PKD1L1: variants seen among roughly 807,000 people sequenced by gnomAD.
PKD1L1 encodes polycystin-1-like protein 1.
In PKD1L1, 236 loss-of-function variants were observed where a neutral mutation model predicts 323.4. The observed-to-expected ratio is 0.73, with a 90% CI of 0.66 to 0.81. The LOEUF (loss-of-function observed/expected upper bound fraction) is 0.81. Ranked by LOEUF, PKD1L1 falls within the 40% of genes least tolerant of loss-of-function variation. The pLI is 0.00. For synonymous variants in PKD1L1, 1,344 were observed against 1,335.0 expected (o/e 1.01, Z -0.15); for missense variants, 3,320 against 3,508.0 (o/e 0.95, Z 1.35).
intron 16 of PKD1L1, among the ~76,000 whole-genome samples, chr7:47,889,199 C>T (rs1458749680): frequency 4.6e-5 from 7 of 152,268 alleles, no homozygotes; most frequent in African/African-American, 1.7e-4. Flanking sequence ...CTCCTGGGGA[C>T]ATCATCCACA....
chr7:47,815,346 C>T lies in PKD1L1; in HGVS notation c.7077G>A (p.Val2359=), dbSNP rs1354325971. ...ACGGAAAGCTCACCTGAGCCCCCGG[C>T]ACACGGGCTGACGGGGTGCCTCCCG... ...LYPGGTPSAR[V]PGAQPGALGG... is the part of the protein sequence containing the mutation. The change falls in exon 47 of 57, where the codon GTG becomes GTA. Residue 2359 remains valine, a synonymous_variant. Coordinates refer to ENST00000289672, the MANE Select transcript of PKD1L1 (RefSeq NM_138295.5). 1.2e-6 allele frequency: 2 copies of T among 1,614,050 alleles called. No homozygotes were observed. Among genetic ancestry groups the T allele is most frequent in the Admixed American group, 1.7e-5 (1 of 59,992 alleles).
rs113217890 is a variant in PKD1L1 at position 47,862,349 on chromosome 7, G to A, written c.4149+2867C>T. The stretch of plus-strand genomic sequence containing the variant: ...TGCCCTCCCACCTAGACTGGAGGTT[G>A]TTGGAGTGGAGCAGCCTGAGATGAG... On this transcript the variant is annotated intron_variant, in intron 26 of 56. Transcript: ENST00000289672. Among the ~76,000 whole-genome samples the A allele has an allele frequency of 1.4e-3, 209 of 152,268 alleles. 2 individuals carry two copies. Among genetic ancestry groups the A allele is most frequent in the African/African-American group, 4.9e-3 (204 of 41,540 alleles).
rs1584949788 is a variant in PKD1L1 at position 47,798,530 on chromosome 7, G to A, written c.8193+2119C>T. ...CCCAGCACTTTGGGAGGCTGAGGCG[G>A]GAGGATCACGAGGTCAGGAGTTCGA... On this transcript the variant is annotated intron_variant, in intron 54 of 56. Coordinates refer to ENST00000289672, the MANE Select transcript of PKD1L1 (RefSeq NM_138295.5). 2.0e-5 allele frequency among the ~76,000 whole-genome samples: 3 copies of A among 152,244 alleles called. No homozygotes were observed. The South Asian group carries it at 6.2e-4, about 32-fold the overall frequency.
At chr7:47,881,782 AGTAGAAAAG>A in intron 20 of PKD1L1, 118 bp downstream of exon 20, 1 of 920,528 alleles carries the variant, frequency 1.1e-6, no homozygotes. Flanking sequence ...AACAAGCACA[AGTAGAAAAG>A]GTACCACAAT....
chr7:47,829,323 T>G (rs1562949785), intron 44 of PKD1L1, 102 bp downstream of exon 44: 4 of 1,194,210 alleles, frequency 3.3e-6, no homozygotes, highest in Non-Finnish European at 4.6e-6. Flanking sequence ...TCTCCAAAGA[T>G]GCAACCCAAT....
chr7:47,875,249 A>G (rs80192521), intron 23 of PKD1L1, among the ~76,000 whole-genome samples: 2,763 of 152,342 alleles, frequency 0.018, 68 homozygotes, highest in African/African-American at 0.062. Context: ...AGAAGAAGGT[A>G]CAAGTGTTTC....
rs1356804112 is a variant in PKD1L1 at position 47,813,404 on chromosome 7, T to C, written c.7174-111A>G. On this transcript the variant is annotated intron_variant, in intron 48 of 56. Transcript: ENST00000289672. ...TGAACACCTGCTCTGTCCTGCAACA[T>C]GGCACCCTTCTCTCCTCATAGGATC... 30 of 1,145,010 alleles carry C rather than the reference T, an allele frequency of 2.6e-5. No individual in the cohort carries two copies. The Admixed American group carries it at 5.0e-4, about 19-fold the overall frequency. 70.9% of individuals were successfully genotyped at this position (1,145,010 alleles called of 1,614,324 possible).
rs1786800179 is a variant in PKD1L1 at position 47,890,822 on chromosome 7, C to T, written c.2454-59G>A. ...GCATCAGGCAGAGTCAGGGACTACCCTGTGTCACTGCACGGGTTTTCCCCA... is the reference window on the plus strand; with the variant it reads ...GCATCAGGCAGAGTCAGGGACTACCTTGTGTCACTGCACGGGTTTTCCCCA... On this transcript the variant is annotated intron_variant, in intron 15 of 56. Coordinates refer to ENST00000289672, the MANE Select transcript of PKD1L1 (RefSeq NM_138295.5). The T allele has an allele frequency of 6.1e-6, 9 of 1,475,312 alleles. No homozygotes were observed. In the Admixed American group the frequency reaches 7.1e-5, roughly 12 times the overall value. The allele number at this position is 1,475,312 out of a possible 1,614,324, so 91.4% of individuals were successfully genotyped here.
chr7:47,807,655 T>A (rs1784809171), intron 52 of PKD1L1, among the ~76,000 whole-genome samples: 1 of 152,084 alleles, frequency 6.6e-6, no homozygotes, highest in Non-Finnish European at 1.5e-5. Flanking sequence ...TCCTGCCCCA[T>A]CTCATCAGCC....
chr7:47,840,501 G>A lies in PKD1L1; in HGVS notation c.5512C>T (p.Pro1838Ser), dbSNP rs753410764. ...TGTCTGGAATTCCTTTCAAACAGGGGCTTCTCTGGACAGGAGAGCTCCTTG... is the reference window on the plus strand; with the variant it reads ...TGTCTGGAATTCCTTTCAAACAGGGACTTCTCTGGACAGGAGAGCTCCTTG... Reference protein sequence around the residue: ...ETKELSCPEKPLFERNSRHTF... With the variant: ...ETKELSCPEKSLFERNSRHTF... Residue 1838 changes from proline (P) to serine (S), a missense_variant, in exon 35 of 57, where the codon CCC becomes TCC. By Grantham distance (74) the Pro-to-Ser change is moderately conservative. Transcript: ENST00000289672. This position sits in a 1 kb window ranked among gnomAD's most constrained non-coding sequence, Gnocchi z 4.1. The A allele has an allele frequency of 1.9e-6, 3 of 1,613,978 alleles. No homozygotes were observed. Among genetic ancestry groups the A allele is most frequent in the African/African-American group, 2.7e-5 (2 of 74,902 alleles).
chr7:47,948,863 G>A (rs1310186421), upstream of PKD1L1, among the ~76,000 whole-genome samples: 1 of 152,120 alleles, frequency 6.6e-6, no homozygotes, highest in South Asian at 2.1e-4. Context: ...AGGCTCAGGC[G>A]AGAGAATTGC....
chr7:47,809,892 C>T, intron 50 of PKD1L1: 1 of 238,158 alleles, frequency 4.2e-6, no homozygotes, highest in Non-Finnish European at 8.1e-6. Flanking sequence ...CCATGCTGAT[C>T]CTCCAGTCCT....
chr7:47,888,277 T>C (rs1188895676), intron 16 of PKD1L1, 127 bp from the exon 17 acceptor site: 6 of 926,836 alleles, frequency 6.5e-6, no homozygotes, highest in African/African-American at 1.7e-5. Flanking sequence ...TCAATAGCAA[T>C]GTCACAGCAC....
chr7:47,864,706 C>T (rs1228400477), intron 26 of PKD1L1, among the ~76,000 whole-genome samples: 3 of 130,818 alleles, frequency 2.3e-5, no homozygotes, highest in African/African-American at 8.4e-5. Context: ...CCCTCCCTTC[C>T]CTTCCCTTCC....
intron 56 of PKD1L1, among the ~76,000 whole-genome samples, chr7:47,791,067 C>T (rs1282577544): frequency 2.0e-5 from 3 of 152,138 alleles, no homozygotes; most frequent in Admixed American, 1.3e-4. Context: ...GAATCCATTT[C>T]TTCCCTGGGA....
At chr7:47,932,810 A>G (rs1010838988) in intron 4 of PKD1L1, among the ~76,000 whole-genome samples, 8 of 152,208 alleles carry the variant, frequency 5.3e-5, no homozygotes, top group African/African-American at 1.7e-4. Context: ...CAGCATTATA[A>G]TCATGCATGA....
intron 32 of PKD1L1, 89 bp from the exon 33 acceptor site, chr7:47,845,167 A>G (rs902171633): frequency 2.0e-5 from 21 of 1,058,344 alleles, no homozygotes; most frequent in Non-Finnish European, 2.7e-5. Context: ...GGAATGAGAA[A>G]AGGAAGAAAG....
rs766732108 is a variant in PKD1L1 at position 47,814,020 on chromosome 7, A to G, written c.7090-6T>C. ...TTTCCTCCAAGAGCTCCAGGCTGAA[A>G]GGAGAAAAAAGATGATGAGGACTGG... On this transcript the variant is annotated splice_polypyrimidine_tract_variant and splice_region_variant and intron_variant, in intron 47 of 56. Coordinates refer to ENST00000289672, the MANE Select transcript of PKD1L1 (RefSeq NM_138295.5). The G allele has an allele frequency of 3.5e-5, 56 of 1,612,382 alleles. No homozygotes were observed. In the South Asian group the frequency reaches 5.5e-4, roughly 16 times the overall value.
At chr7:47,853,713 A>C (rs1019133570) in intron 30 of PKD1L1, among the ~76,000 whole-genome samples, 1 of 151,108 alleles carries the variant, frequency 6.6e-6, no homozygotes, top group Non-Finnish European at 1.5e-5. Context: ...ATTGCACTCC[A>C]ACCTGGGCAA....
Sources: gnomAD v4.1 joint callset for allele counts (sites outside exome capture counted in the v4.1 genomes callset) on GRCh38, gnomAD v4.1.1 for gene constraint, Gnocchi (gnomAD v3.1) non-coding constraint, MANE v1.5 for transcripts, NCBI Gene and HGNC (gene_info 2026-07-23, HGNC 2026-07-21) for gene names.